Variants in CHM observed in about 807,000 individuals in gnomAD.
The protein encoded by CHM is CHM Rab escort protein, also known as rab proteins geranylgeranyltransferase component A 1.
Under a neutral mutation model 49.0 loss-of-function variants are expected in CHM, and 10 were observed. The observed-to-expected ratio is 0.20, with a 90% CI of 0.13 to 0.35. The LOEUF (loss-of-function observed/expected upper bound fraction) is 0.35, where lower values mean the gene tolerates loss of function less well. Ranked by LOEUF, CHM falls within the 10% of genes least tolerant of loss-of-function variation. The pLI, the probability that CHM is intolerant of heterozygous loss-of-function variation, is 1.00. For synonymous variants in CHM, 184 were observed against 167.5 expected, an observed-to-expected ratio of 1.10 and a Z score of -0.76; for missense variants, 455 against 478.4, an observed-to-expected ratio of 0.95 and a Z score of 0.46.
intron 2 of CHM, among the ~76,000 whole-genome samples, chrX:86,008,868 C>G (rs1013138700): frequency 8.9e-6 from 1 of 112,380 alleles, no homozygotes; most frequent in Non-Finnish European, 1.9e-5. Flanking sequence ...TTTGCCAACC[C>G]TTTCAGAACA....
intron 8 of CHM, among the ~76,000 whole-genome samples, chrX:85,943,113 A>C (rs1929214155): frequency 1.8e-5 from 2 of 110,126 alleles, no homozygotes; most frequent in Non-Finnish European, 3.8e-5. Context: ...TGCACAGCAA[A>C]AGAAACTACC....
At chrX:86,008,750 A>G (rs1932934805) in intron 2 of CHM, among the ~76,000 whole-genome samples, 1 of 111,641 alleles carries the variant, frequency 9.0e-6, no homozygotes, top group Non-Finnish European at 1.9e-5. Flanking sequence ...GAACTAGTCA[A>G]CACTGCCATT....
At position 85,981,820 on chromosome X, in the gene CHM, T is replaced by TAAAAAAAAAAAAAA; in HGVS notation, c.117-25_117-12dup. 1 of 949,876 alleles carries TAAAAAAAAAAAAAA rather than the reference T, an allele frequency of 1.1e-6. No homozygotes were observed. Among genetic ancestry groups the TAAAAAAAAAAAAAA allele is most frequent in the Non-Finnish European group, 1.4e-6 (1 of 709,349 alleles). The allele number at this position is 949,876 out of a possible 1,213,427, so 78.3% of individuals were successfully genotyped here. ...CCATAGTAGCTTCTTCTGTAACAAT[T>TAAAAAAAAAAAAAA]AAAAAAAAAAAAAAAAGTAAAGAAA... On this transcript the variant is annotated splice_polypyrimidine_tract_variant and intron_variant, in intron 2 of 14. Coordinates refer to ENST00000357749, the MANE Select transcript of CHM (RefSeq NM_000390.4).
At chrX:85,964,821 G>C (rs1283965047) in intron 4 of CHM, among the ~76,000 whole-genome samples, 2 of 109,412 alleles carry the variant, frequency 1.8e-5, no homozygotes, top group Non-Finnish European at 3.8e-5. Flanking sequence ...TTGATTTATA[G>C]AACAGGCTCC....
At chrX:85,888,050 G>A (rs1925201202) in intron 12 of CHM, among the ~76,000 whole-genome samples, 1 of 112,181 alleles carries the variant, frequency 8.9e-6, no homozygotes, top group African/African-American at 3.2e-5. Flanking sequence ...ATTTGTACAT[G>A]TAATGAGGAG....
chrX:86,026,130 TTTTTTTTTTG>T (rs1933813142), intron 2 of CHM, among the ~76,000 whole-genome samples: 1 of 76,075 alleles, frequency 1.3e-5, no homozygotes, highest in African/African-American at 5.7e-5. Context: ...TTTTTTTTTT[TTTTTTTTTTG>T]AGACTGTCTT....
chrX:85,875,167 C>T (rs1019859860), intron 13 of CHM, among the ~76,000 whole-genome samples: 9 of 111,785 alleles, frequency 8.1e-5, no homozygotes, highest in Admixed American at 3.8e-4. Flanking sequence ...GCTCTGGATA[C>T]TAGGGCATTA....
At chrX:85,898,032 C>T (rs1038640079) in intron 11 of CHM, among the ~76,000 whole-genome samples, 8 of 111,035 alleles carry the variant, frequency 7.2e-5, no homozygotes, top group African/African-American at 2.0e-4. Context: ...TCTTAACAGA[C>T]TGGGTGGGGG....
chrX:86,044,089 T>C (rs1340788732), intron 1 of CHM, among the ~76,000 whole-genome samples: 4 of 111,653 alleles, frequency 3.6e-5, no homozygotes, highest in Non-Finnish European at 7.5e-5. Context: ...AAAGCCTACA[T>C]TGTCTTAAGA....
chrX:85,972,115 C>G (rs1355866379), intron 4 of CHM, among the ~76,000 whole-genome samples: 3 of 109,584 alleles, frequency 2.7e-5, no homozygotes, highest in Non-Finnish European at 3.8e-5. Flanking sequence ...TGTTTACAAT[C>G]CCTGAGCTAG....
intron 5 of CHM, among the ~76,000 whole-genome samples, chrX:85,960,526 C>T (rs760100040): frequency 3.6e-5 from 4 of 110,138 alleles, no homozygotes; most frequent in Admixed American, 9.7e-5. Context: ...TAGGTTCAAG[C>T]GATTCTCCTG....
chrX:86,036,404 G>A (rs1934247119), intron 1 of CHM, among the ~76,000 whole-genome samples: 1 of 111,569 alleles, frequency 9.0e-6, no homozygotes, highest in Non-Finnish European at 1.9e-5. Context: ...GGAAAGGAAA[G>A]TTCAGGTTAA....
chrX:85,874,613 G>A (rs1468891476), intron 13 of CHM, among the ~76,000 whole-genome samples: 1 of 110,996 alleles, frequency 9.0e-6, no homozygotes, highest in African/African-American at 3.3e-5. Context: ...TATTTTCCTA[G>A]TTCAACCTGA....
chrX:85,879,950 AT>A (rs373909146), intron 12 of CHM, among the ~76,000 whole-genome samples: 1,688 of 108,153 alleles, frequency 0.016, 39 homozygotes, highest in African/African-American at 0.052. Flanking sequence ...GACTACTAGA[AT>A]TTTTTTTTTA....
chrX:85,925,983 T>C (rs1027902908), intron 8 of CHM, among the ~76,000 whole-genome samples: 3 of 111,263 alleles, frequency 2.7e-5, no homozygotes, highest in Non-Finnish European at 3.8e-5. Context: ...ACAGGGTCCT[T>C]GTGAAATAGT....
intron 1 of CHM, among the ~76,000 whole-genome samples, chrX:86,039,408 G>A (rs1934369227): frequency 1.9e-5 from 2 of 104,181 alleles, no homozygotes. Context: ...TGCAAAGTCA[G>A]ATCACAGAAA....
rs368248509 is a variant in CHM at position 85,963,941 on chromosome X, C to T, written c.426G>A (p.Glu142=). The change falls in exon 5 of 15, where the codon GAG becomes GAA. Residue 142 remains glutamate, a synonymous_variant. Coordinates refer to ENST00000357749, the MANE Select transcript of CHM (RefSeq NM_000390.4). The part of the protein sequence containing the change: ...EAADSAFLPT[E]DESLSTMSCE... The stretch of plus-strand genomic sequence containing the variant: ...AGCTCATAGTGCTTAATGACTCATC[C>T]TCCGTAGGCAGGAAGGCAGAATCTG... 8.3e-7 allele frequency: 1 copy of T among 1,208,833 alleles called. No individual in the cohort carries two copies. The highest frequency in any genetic ancestry group is 1.8e-5 in the African/African-American group (1 of 56,868).
chrX:86,043,657 C>T (rs1934558003), intron 1 of CHM, among the ~76,000 whole-genome samples: 1 of 110,902 alleles, frequency 9.0e-6, no homozygotes, highest in African/African-American at 3.3e-5. Context: ...AACTCCTGAG[C>T]TCAAGCAATC....
Position 85,956,075 on chromosome X carries a change from C to A in CHM, c.1166+78G>T, listed in dbSNP as rs1352891385. On this transcript the variant is annotated intron_variant, in intron 8 of 14. Coordinates refer to ENST00000357749, the MANE Select transcript of CHM (RefSeq NM_000390.4). Reference sequence around the variant, plus strand: ...CATATACTAAATCTTGAATAAATCTCATTTTTGCCTGCCTAATTTTCATCT... The same window carrying A: ...CATATACTAAATCTTGAATAAATCTAATTTTTGCCTGCCTAATTTTCATCT... The A allele has an allele frequency of 4.9e-6, 4 of 819,154 alleles. No individual in the cohort carries two copies. The African/African-American group carries it at 8.2e-5, about 17-fold the overall frequency. 67.5% of individuals were successfully genotyped at this position (819,154 alleles called of 1,213,427 possible). A position where few individuals can be genotyped will look rare whatever the true frequency, so the allele number is the denominator to read the frequency against.
Sources: gnomAD v4.1 joint callset for allele counts (sites outside exome capture counted in the v4.1 genomes callset) on GRCh38, gnomAD v4.1.1 for gene constraint, MANE v1.5 for transcripts, NCBI Gene and HGNC (gene_info 2026-07-23, HGNC 2026-07-21) for gene names.